PIGB: variants seen among roughly 807,000 people sequenced by gnomAD.
PIGB encodes phosphatidylinositol glycan anchor biosynthesis class B.
A neutral mutation model predicts 68.4 loss-of-function variants in PIGB; 58 were observed. That is an observed-to-expected ratio of 0.85 (90% CI 0.69 to 1.06). PIGB has a LOEUF of 1.06. Among genes scored for constraint, PIGB ranks in the 50% least tolerant of loss-of-function variants. The pLI is 0.00. For missense variants in PIGB, 634 were observed against 655.8 expected, an observed-to-expected ratio of 0.97 and a Z score of 0.36; for synonymous variants, 219 against 220.5, an observed-to-expected ratio of 0.99 and a Z score of 0.06.
At position 55,327,556 on chromosome 15, in the gene PIGB, C is replaced by G; in HGVS notation, c.443C>G (p.Ala148Gly). 6.2e-7 allele frequency: 1 copy of G among 1,610,478 alleles called. No homozygotes were observed. Among genetic ancestry groups the G allele is most frequent in the Non-Finnish European group, 8.5e-7 (1 of 1,178,322 alleles). ...LLIWIPRLAQ[A>G]LLSAVADVRL... The stretch of plus-strand genomic sequence containing the variant: ...ATTTGGATTCCTAGACTTGCCCAAG[C>G]ACTTCTGTCTGCTGTAGCAGATGTG... Residue 148 changes from alanine (A) to glycine (G), a missense_variant, in exon 4 of 12, where the codon GCA (alanine) becomes GGA (glycine). Ala to Gly is a moderately conservative substitution (Grantham distance 60, BLOSUM62 0). Transcript: ENST00000164305.
At chr15:55,339,051 T>C (rs1246270193) in intron 6 of PIGB, among the ~76,000 whole-genome samples, 2 of 152,234 alleles carry the variant, frequency 1.3e-5, no homozygotes, top group African/African-American at 4.8e-5. Context: ...ATCTTTTTAT[T>C]AATATATTTT....
chr15:55,335,767 G>A (rs2055520341), intron 6 of PIGB, among the ~76,000 whole-genome samples: 1 of 152,146 alleles, frequency 6.6e-6, no homozygotes, highest in African/African-American at 2.4e-5. Context: ...CAAGTACTAA[G>A]TATGCTGGGC....
intron 5 of PIGB, among the ~76,000 whole-genome samples, chr15:55,332,356 A>C (rs548592393): frequency 1.3e-5 from 2 of 151,706 alleles, no homozygotes; most frequent in East Asian, 3.9e-4. Context: ...TCAACATTAC[A>C]GAATTCATTC....
chr15:55,326,829 G>T (rs892291370), intron 3 of PIGB, among the ~76,000 whole-genome samples: 2 of 151,982 alleles, frequency 1.3e-5, no homozygotes, highest in Admixed American at 1.3e-4. Flanking sequence ...AGAGCGATAC[G>T]TCTCATAAAA....
In PIGB at chr15:55,329,741, C is replaced by T. The variant is rs1211392079; in HGVS notation, c.540C>T (p.Cys180=). 2.5e-6 allele frequency: 4 copies of T among 1,609,722 alleles called. No individual in the cohort carries two copies. The highest frequency in any genetic ancestry group is 3.4e-6 in the Non-Finnish European group (4 of 1,178,242). The change falls in exon 5 of 12, where the codon TGC becomes TGT. Residue 180 remains cysteine (C), a synonymous_variant. Coordinates refer to ENST00000164305, the MANE Select transcript of PIGB (RefSeq NM_004855.5). ...VARWVFFCQL[C]SWFTWYCCTR... ...TTTCTTAGTTTTTTTGCCAGTTGTG[C>T]TCCTGGTTCACATGGTATTGCTGTA... is the stretch of plus-strand genomic sequence containing the variant.
chr15:55,327,498 T>A (rs1430093079), intron 3 of PIGB, 33 bp from the exon 4 acceptor site: 1 of 1,391,262 alleles, frequency 7.2e-7, no homozygotes, highest in Non-Finnish European at 1.0e-6. Flanking sequence ...ACAGATATTT[T>A]TAACATCCTG....
chr15:55,320,341 T>C lies in PIGB; in HGVS notation c.230T>C (p.Leu77Ser). The change falls in exon 2 of 12, where the codon TTA becomes TCA. Residue 77 changes from leucine (L) to serine (S), a missense_variant. Coordinates refer to ENST00000164305, the MANE Select transcript of PIGB (RefSeq NM_004855.5). ...TIALRILNCF[L>S]VQTSFVPDEY... ...GCTTTACGAATATTAAACTGCTTTT[T>C]AGTGCAGACAAGTTTTGTTCCAGAT... 1 of 1,613,320 alleles carries C rather than the reference T, an allele frequency of 6.2e-7. No individual in the cohort carries two copies.
At chr15:55,333,117 G>A (rs2055455425) in intron 5 of PIGB, among the ~76,000 whole-genome samples, 1 of 151,770 alleles carries the variant, frequency 6.6e-6, no homozygotes, top group South Asian at 2.1e-4. Flanking sequence ...GAAAGTAATT[G>A]GCAAAGTTAT....
intron 9 of PIGB, chr15:55,349,838 C>G (rs374880875): frequency 7.2e-5 from 11 of 152,112 alleles, no homozygotes; most frequent in Admixed American, 7.2e-4. Context: ...AAATTATGAA[C>G]AAAATGTCAT....
Position 55,334,020 on chromosome 15 carries a change from A to G in PIGB, c.794+13A>G. On this transcript the variant is annotated intron_variant, in intron 6 of 11. Coordinates refer to ENST00000164305, the MANE Select transcript of PIGB (RefSeq NM_004855.5). ...TTTTACCTGTAGGGTAAGTGTGGCA[A>G]TAATCCATCCATTTATTTTAGTAGC... 2 of 1,547,478 alleles carry G rather than the reference A, an allele frequency of 1.3e-6. No homozygotes were observed.
At chr15:55,348,089 A>G (rs2055841318) in intron 9 of PIGB, among the ~76,000 whole-genome samples, 1 of 150,656 alleles carries the variant, frequency 6.6e-6, no homozygotes, top group Admixed American at 6.6e-5. Flanking sequence ...GCCGGGTTCA[A>G]GTGATTCTCC....
At position 55,339,254 on chromosome 15, in the gene PIGB, T is replaced by C; in HGVS notation, c.795-13T>C. On this transcript the variant is annotated splice_polypyrimidine_tract_variant and intron_variant, in intron 6 of 11. Coordinates refer to ENST00000164305, the MANE Select transcript of PIGB (RefSeq NM_004855.5). ...CTCCAAATGTGAATCACTATGCTAT[T>C]TTTGTTTTTCAGCTTTGTTACTTTG... 2 of 1,547,126 alleles carry C rather than the reference T, an allele frequency of 1.3e-6. No homozygotes were observed. The highest frequency in any genetic ancestry group is 1.7e-6 in the Non-Finnish European group (2 of 1,143,350).
rs753773713 is a variant in PIGB, at chr15:55,329,775, C to A, written c.574C>A (p.Leu192Ile). ...CACATGGTATTGCTGTACCAGAACC[C>A]TTACAAACACCATGGAAACTGTTCT... ...WFTWYCCTRT[L>I]TNTMETVLTI... is the part of the protein sequence containing the mutation. Residue 192 changes from leucine (L) to isoleucine (I), a missense_variant, in exon 5 of 12, where the codon CTT becomes ATT. Physicochemically the swap from Leu to Ile is conservative, Grantham distance 5. Transcript: ENST00000164305. The A allele has an allele frequency of 1.9e-6, 3 of 1,610,326 alleles. No homozygotes were observed. Among genetic ancestry groups the A allele is most frequent in the Non-Finnish European group, 2.5e-6 (3 of 1,176,700 alleles).
At chr15:55,333,722 A>G (rs1231774631) in intron 5 of PIGB, 145 bp from the exon 6 acceptor site, 6 of 549,424 alleles carry the variant, frequency 1.1e-5, no homozygotes, top group Non-Finnish European at 1.8e-5. Flanking sequence ...ACAGAGTGAG[A>G]CTCTGTCTCA....
intron 9 of PIGB, among the ~76,000 whole-genome samples, chr15:55,345,372 A>C (rs1180613717): frequency 6.6e-6 from 1 of 152,182 alleles, no homozygotes; most frequent in Non-Finnish European, 1.5e-5. Flanking sequence ...AACATTTATA[A>C]TGCCACTTAA....
rs148964474 is a variant in PIGB at position 55,338,165 on chromosome 15, G to A, written c.795-1102G>A. On this transcript the variant is annotated intron_variant, in intron 6 of 11. Transcript: ENST00000164305. Reference sequence around the variant, plus strand: ...ATTCATAGAGCTTTACCTTCATAGCGTATTTTTCTGTATATGTGTTTGTTG... The same window carrying A: ...ATTCATAGAGCTTTACCTTCATAGCATATTTTTCTGTATATGTGTTTGTTG... Among the ~76,000 whole-genome samples, 215 of 152,194 alleles carry A rather than the reference G, an allele frequency of 1.4e-3. 1 individual carries two copies. The highest frequency in any genetic ancestry group is 4.9e-3 in the African/African-American group (203 of 41,538).
chr15:55,353,907 C>G (rs950159475), intron 10 of PIGB, among the ~76,000 whole-genome samples: 2 of 151,834 alleles, frequency 1.3e-5, no homozygotes, highest in Non-Finnish European at 2.9e-5. Context: ...ACCCGGCCTA[C>G]TCTAGTCTTT....
intron 3 of PIGB, among the ~76,000 whole-genome samples, chr15:55,326,671 G>A (rs571818056): frequency 6.6e-6 from 1 of 151,112 alleles, no homozygotes; most frequent in Non-Finnish European, 1.5e-5. Flanking sequence ...TCGAGACCAT[G>A]CTGGCTAACA....
chr15:55,322,941 A>ATTCC (rs2055200175), intron 3 of PIGB, among the ~76,000 whole-genome samples: 1 of 152,164 alleles, frequency 6.6e-6, no homozygotes, highest in Non-Finnish European at 1.5e-5. Context: ...AGTAGGTCAG[A>ATTCC]TTACAAATGA....
Sources: allele counts gnomAD v4.1 joint callset (sites outside exome capture counted in the v4.1 genomes callset), GRCh38; gene constraint gnomAD v4.1.1; transcripts MANE v1.5; gene names NCBI Gene and HGNC (gene_info 2026-07-23, HGNC 2026-07-21).